The following RNF24 variants were observed in gnomAD, a reference collection of about 807,000 sequenced individuals.
The protein encoded by RNF24 is ring finger protein 24.
A neutral mutation model predicts 20.0 loss-of-function variants in RNF24; 14 were observed. The ratio of observed to expected loss-of-function variants is 0.70; its 90% CI spans 0.46 to 1.10. The LOEUF (loss-of-function observed/expected upper bound fraction) is 1.10. Ranked by LOEUF, RNF24 falls within the 50% of genes least tolerant of loss-of-function variation. The pLI is 0.00. For missense variants in RNF24, 124 were observed against 177.6 expected, an observed-to-expected ratio of 0.70 and a Z score of 1.71; for synonymous variants, 45 against 61.1, an observed-to-expected ratio of 0.74 and a Z score of 1.23.
At chr20:3,965,482 A>G (rs2091248190) in intron 1 of RNF24, among the ~76,000 whole-genome samples, 1 of 152,216 alleles carries the variant, frequency 6.6e-6, no homozygotes, top group Admixed American at 6.5e-5. Flanking sequence ...GCTTCCAAAC[A>G]TAAATAATGG....
intron 4 of RNF24, among the ~76,000 whole-genome samples, chr20:3,944,588 C>A (rs2090995225): frequency 6.6e-6 from 1 of 152,106 alleles, no homozygotes; most frequent in East Asian, 1.9e-4. Context: ...AGAGGCAACA[C>A]AAGAAATAGA....
chr20:3,992,281 T>C (rs1043184857), intron 1 of RNF24, among the ~76,000 whole-genome samples: 1 of 152,246 alleles, frequency 6.6e-6, no homozygotes, highest in African/African-American at 2.4e-5. Context: ...AAAACTCTGA[T>C]TGAGCTATGT....
intron 1 of RNF24, among the ~76,000 whole-genome samples, chr20:3,989,288 A>G (rs959747827): frequency 3.9e-5 from 6 of 152,090 alleles, no homozygotes; most frequent in Non-Finnish European, 7.4e-5. Flanking sequence ...TCAGGAGATC[A>G]AGACCATCCT....
At chr20:3,981,163 C>CA (rs1024753219) in intron 1 of RNF24, among the ~76,000 whole-genome samples, 1 of 151,376 alleles carries the variant, frequency 6.6e-6, no homozygotes, top group Non-Finnish European at 1.5e-5. Flanking sequence ...CTACCTCTAT[C>CA]AAAAAAAATA....
chr20:3,938,414 A>G (rs1209450893), intron 4 of RNF24, among the ~76,000 whole-genome samples: 3 of 152,246 alleles, frequency 2.0e-5, no homozygotes. Context: ...CTACACATTC[A>G]TAGACACAAA....
At chr20:3,989,337 A>C (rs1412920793) in intron 1 of RNF24, among the ~76,000 whole-genome samples, 1 of 151,930 alleles carries the variant, frequency 6.6e-6, no homozygotes, top group Non-Finnish European at 1.5e-5. Context: ...TAAAAATACA[A>C]AAAATTAGCC....
chr20:3,980,664 A>ATT (rs1979303333), intron 1 of RNF24, among the ~76,000 whole-genome samples: 3 of 152,190 alleles, frequency 2.0e-5, no homozygotes, highest in Admixed American at 6.5e-5. Flanking sequence ...ATCCCAACTC[A>ATT]TTTAAAGGTG....
At chr20:3,988,506 T>G in intron 1 of RNF24, among the ~76,000 whole-genome samples, 1 of 149,994 alleles carries the variant, frequency 6.7e-6, no homozygotes, top group African/African-American at 2.5e-5. Flanking sequence ...GTAGCCCAGG[T>G]TGGAATGCAG....
At chr20:3,949,854 C>A (rs6116116) in intron 2 of RNF24, among the ~76,000 whole-genome samples, 1 of 152,112 alleles carries the variant, frequency 6.6e-6, no homozygotes, top group Non-Finnish European at 1.5e-5. Context: ...TTAAAGAAAT[C>A]TTTGCCTATC....
At chr20:3,935,251 G>A (rs2090876769) in intron 4 of RNF24, among the ~76,000 whole-genome samples, 178 bp from the exon 5 acceptor site, 1 of 152,114 alleles carries the variant, frequency 6.6e-6, no homozygotes. Flanking sequence ...ATAGATGAAT[G>A]TCTCCTGCTC....
chr20:3,957,339 T>C (rs2091154104), intron 2 of RNF24, among the ~76,000 whole-genome samples: 1 of 151,504 alleles, frequency 6.6e-6, no homozygotes, highest in South Asian at 2.1e-4. Context: ...CGTGTGCCTA[T>C]AGTCTCAGCT....
intron 1 of RNF24, among the ~76,000 whole-genome samples, chr20:4,000,249 T>G (rs1304874654): frequency 6.6e-6 from 1 of 152,156 alleles, no homozygotes; most frequent in Non-Finnish European, 1.5e-5. Flanking sequence ...AATGGCCAGA[T>G]GTGGTGGCTC....
At chr20:4,000,970 T>C (rs538100634) in intron 1 of RNF24, among the ~76,000 whole-genome samples, 3 of 152,080 alleles carry the variant, frequency 2.0e-5, no homozygotes, top group Non-Finnish European at 4.4e-5. Context: ...GAACTTACTA[T>C]GCAAAAATAT....
intron 2 of RNF24, among the ~76,000 whole-genome samples, chr20:3,950,998 C>G (rs1306755929): frequency 6.6e-6 from 1 of 152,154 alleles, no homozygotes; most frequent in Non-Finnish European, 1.5e-5. Context: ...CTCTGTAGCC[C>G]AGGCTGGAGT....
intron 2 of RNF24, among the ~76,000 whole-genome samples, chr20:3,957,174 T>C (rs11907357): frequency 0.12 from 17,682 of 152,146 alleles, 1,376 homozygotes; most frequent in Non-Finnish European, 0.17. Flanking sequence ...GGTACACGCC[T>C]GTAATCCCAG....
In RNF24 at chr20:3,928,219, C is replaced by G. The variant is rs2090755855; in HGVS notation, c.*5844G>C. ...CCCAGGGCCAGAGATTCTACAAATGCCAGAAGAGTGGATGTGATAGAGAAT... is the reference window on the plus strand; with the variant it reads ...CCCAGGGCCAGAGATTCTACAAATGGCAGAAGAGTGGATGTGATAGAGAAT... On this transcript the variant is annotated 3_prime_UTR_variant, in exon 6 of 6. Coordinates refer to ENST00000358395, the MANE Select transcript of RNF24 (RefSeq NM_001134337.3). 6.6e-6 allele frequency: 1 copy of G among 152,088 alleles called. No homozygotes were observed. The highest frequency in any genetic ancestry group is 2.1e-4 in the South Asian group (1 of 4,826). The allele number at this position is 152,088 out of a possible 1,614,324, so 9.4% of individuals were successfully genotyped here. A position where few individuals can be genotyped will look rare whatever the true frequency, so the allele number is the denominator to read the frequency against.
intron 1 of RNF24, among the ~76,000 whole-genome samples, chr20:3,994,781 T>A (rs1260072146): frequency 1.3e-5 from 2 of 152,224 alleles, no homozygotes. Flanking sequence ...ACTTTAATGG[T>A]GAATTCTTAG....
chr20:3,965,585 C>T (rs537046717), intron 1 of RNF24, among the ~76,000 whole-genome samples: 5 of 152,222 alleles, frequency 3.3e-5, no homozygotes, highest in Admixed American at 2.0e-4. Flanking sequence ...TTCCTTTTTC[C>T]TACATTCAGA....
chr20:3,959,314 C>T (rs1252195895), intron 2 of RNF24, among the ~76,000 whole-genome samples: 2 of 152,190 alleles, frequency 1.3e-5, no homozygotes, highest in African/African-American at 4.8e-5. Flanking sequence ...CCCCTTCTGT[C>T]CTTAATGTCC....
Sources: gnomAD v4.1 joint callset for allele counts (sites outside exome capture counted in the v4.1 genomes callset) on GRCh38, gnomAD v4.1.1 for gene constraint, MANE v1.5 for transcripts, NCBI Gene and HGNC (gene_info 2026-07-23, HGNC 2026-07-21) for gene names.